GRIK2: variants seen among roughly 807,000 people sequenced by gnomAD.
GRIK2 encodes glutamate ionotropic receptor kainate type subunit 2, also known as glutamate receptor ionotropic, kainate 2.
A neutral mutation model predicts 100.3 loss-of-function variants in GRIK2; 32 were observed. The observed-to-expected ratio is 0.32, with a 90% CI of 0.24 to 0.43. GRIK2 has a LOEUF of 0.43. Among genes scored for constraint, GRIK2 ranks in the 20% least tolerant of loss-of-function variants. GRIK2 has a pLI of 1.00. For missense variants in GRIK2, 843 were observed against 1,114.9 expected, an observed-to-expected ratio of 0.76 and a Z score of 3.47; for synonymous variants, 417 against 389.4, an observed-to-expected ratio of 1.07 and a Z score of -0.83.
chr6:101,961,259 C>G (rs1792279241), intron 14 of GRIK2, among the ~76,000 whole-genome samples: 1 of 152,116 alleles, frequency 6.6e-6, no homozygotes, highest in Non-Finnish European at 1.5e-5. Flanking sequence ...CGGGAGAAAC[C>G]TCTTTCCTCA....
intron 15 of GRIK2, among the ~76,000 whole-genome samples, chr6:102,048,570 T>G (rs887433673): frequency 1.3e-5 from 2 of 151,998 alleles, no homozygotes; most frequent in East Asian, 3.9e-4. Context: ...AAAGAAAACA[T>G]ACAAATGACT....
At chr6:101,856,962 C>T (rs1342041010) in intron 10 of GRIK2, among the ~76,000 whole-genome samples, 1 of 151,886 alleles carries the variant, frequency 6.6e-6, no homozygotes, top group Admixed American at 6.6e-5. Flanking sequence ...AATTACCATC[C>T]AGTAGTCAAA....
At chr6:101,900,077 GTTGATA>G (rs1787740415) in intron 12 of GRIK2, among the ~76,000 whole-genome samples, 1 of 152,174 alleles carries the variant, frequency 6.6e-6, no homozygotes, top group Admixed American at 6.5e-5. Context: ...ATTTTAAAAT[GTTGATA>G]TTACTACTTC....
chr6:101,849,012 A>G (rs1190009022), intron 10 of GRIK2, among the ~76,000 whole-genome samples: 3 of 152,042 alleles, frequency 2.0e-5, no homozygotes, highest in Admixed American at 6.6e-5. Flanking sequence ...TGAAAATTTT[A>G]TCTAATAAAA....
At chr6:101,857,232 T>C (rs1054807625) in intron 10 of GRIK2, among the ~76,000 whole-genome samples, 3 of 152,274 alleles carry the variant, frequency 2.0e-5, no homozygotes, top group African/African-American at 7.2e-5. Flanking sequence ...AGCTGAAGGC[T>C]AAGCAATGTC....
chr6:101,846,362 T>C (rs1413211069), intron 10 of GRIK2, among the ~76,000 whole-genome samples: 3 of 152,144 alleles, frequency 2.0e-5, no homozygotes, highest in Admixed American at 2.0e-4. Context: ...ATCAACTTCA[T>C]TCATTTACAT....
intron 12 of GRIK2, among the ~76,000 whole-genome samples, chr6:101,914,906 C>G (rs566256259): frequency 4.6e-5 from 7 of 151,582 alleles, no homozygotes; most frequent in African/African-American, 1.7e-4. Flanking sequence ...TCATTCCTTT[C>G]TTAACCATAG....
intron 2 of GRIK2, among the ~76,000 whole-genome samples, chr6:101,526,752 G>A (rs72957169): frequency 0.095 from 14,425 of 152,214 alleles, 776 homozygotes; most frequent in Admixed American, 0.14. Context: ...TACACAGGTT[G>A]TAGCATAAAC....
At chr6:101,470,855 T>G (rs753527209) in intron 2 of GRIK2, among the ~76,000 whole-genome samples, 1 of 152,136 alleles carries the variant, frequency 6.6e-6, no homozygotes, top group South Asian at 2.1e-4. Flanking sequence ...CACAACGAAA[T>G]AGCAAATATT....
intron 7 of GRIK2, among the ~76,000 whole-genome samples, chr6:101,725,401 A>T (rs1242190042): frequency 6.6e-6 from 1 of 152,042 alleles, no homozygotes; most frequent in East Asian, 1.9e-4. Flanking sequence ...ACCTCCACTG[A>T]ATCTGAATTC....
intron 2 of GRIK2, among the ~76,000 whole-genome samples, chr6:101,535,331 A>G (rs1775637344): frequency 6.6e-6 from 1 of 151,766 alleles, no homozygotes; most frequent in African/African-American, 2.4e-5. Flanking sequence ...GCAATATCGT[A>G]CTTGTCAACT....
chr6:101,740,380 CAG>C (rs1775943284), intron 7 of GRIK2, among the ~76,000 whole-genome samples: 1 of 152,108 alleles, frequency 6.6e-6, no homozygotes, highest in African/African-American at 2.4e-5. Flanking sequence ...AGATGAAAAA[CAG>C]AAATGTTCAT....
At chr6:101,720,231 G>GA (rs1431325661) in intron 7 of GRIK2, among the ~76,000 whole-genome samples, 2 of 151,536 alleles carry the variant, frequency 1.3e-5, no homozygotes, top group African/African-American at 4.8e-5. Flanking sequence ...CACACTGTCA[G>GA]AAAAAAATAA....
At chr6:101,611,245 A>T (rs1295902548) in intron 2 of GRIK2, among the ~76,000 whole-genome samples, 1 of 151,894 alleles carries the variant, frequency 6.6e-6, no homozygotes, top group Non-Finnish European at 1.5e-5. Context: ...AGGGGCTATT[A>T]CACTATTTCC....
chr6:102,007,896 C>T (rs1795324998), intron 14 of GRIK2, among the ~76,000 whole-genome samples: 1 of 151,896 alleles, frequency 6.6e-6, no homozygotes, highest in Non-Finnish European at 1.5e-5. Context: ...AATCTCCCTA[C>T]ATTTGAAGTA....
intron 14 of GRIK2, among the ~76,000 whole-genome samples, chr6:101,967,178 A>G (rs1034529471): frequency 2.6e-5 from 4 of 151,872 alleles, no homozygotes; most frequent in African/African-American, 9.7e-5. Flanking sequence ...ACTTTCAGGA[A>G]TTCAGATTAA....
intron 2 of GRIK2, among the ~76,000 whole-genome samples, chr6:101,514,664 G>A (rs762227570): frequency 6.6e-6 from 1 of 152,044 alleles, no homozygotes; most frequent in Non-Finnish European, 1.5e-5. Context: ...ATTTATGAAA[G>A]AGTGAAAGTG....
intron 12 of GRIK2, among the ~76,000 whole-genome samples, chr6:101,898,687 C>T (rs1396649137): frequency 1.3e-5 from 2 of 151,570 alleles, no homozygotes; most frequent in Non-Finnish European, 3.0e-5. Flanking sequence ...AAGCTAGTCT[C>T]TGGAAATGCT....
At chr6:101,890,982 T>TATAA (rs1298732783) in intron 12 of GRIK2, among the ~76,000 whole-genome samples, 1 of 11,976 alleles carries the variant, frequency 8.4e-5, no homozygotes, top group Non-Finnish European at 1.5e-4. Context: ...TGTACATATA[T>TATAA]ATATATATAT....
Sources: allele counts gnomAD v4.1 joint callset (sites outside exome capture counted in the v4.1 genomes callset), GRCh38; gene constraint gnomAD v4.1.1; transcripts MANE v1.5; gene names NCBI Gene and HGNC (gene_info 2026-07-23, HGNC 2026-07-21).